ARL9: variants seen among roughly 807,000 people sequenced by gnomAD.
The protein encoded by ARL9 is ARF like GTPase 9, also known as ADP-ribosylation factor-like protein 9.
ARL9 carries 14 observed loss-of-function variants against 27.0 expected under a neutral mutation model. The ratio of observed to expected loss-of-function variants is 0.52; its 90% CI spans 0.34 to 0.81. The LOEUF (loss-of-function observed/expected upper bound fraction) is 0.81, where lower values mean the gene tolerates loss of function less well. Among genes scored for constraint, ARL9 ranks in the 30% least tolerant of loss-of-function variants. The probability of loss-of-function intolerance (pLI) is 0.01; values close to 1 mark genes in which losing one functional copy is unlikely to be tolerated. For missense variants in ARL9, 294 were observed against 290.0 expected (o/e 1.01, Z -0.10); for synonymous variants, 106 against 108.7 (o/e 0.98, Z 0.15).
At chr4:56,523,625 A>T in intron 3 of ARL9, 72 bp from the exon 4 acceptor site, 1 of 1,255,030 alleles carries the variant, frequency 8.0e-7, no homozygotes, top group African/African-American at 1.5e-5. Context: ...AAATAAGAGT[A>T]ATAAATGTGT....
At position 56,505,923 on chromosome 4, in the gene ARL9, G is replaced by T; in HGVS notation, c.61G>T (p.Gly21Ter). 4 of 1,242,794 alleles carry T rather than the reference G, an allele frequency of 3.2e-6. No individual in the cohort carries two copies. The highest frequency in any genetic ancestry group is 4.0e-6 in the Non-Finnish European group (4 of 992,258). 77.0% of individuals were successfully genotyped at this position (1,242,794 alleles called of 1,614,324 possible). ...AAAGGAGACGCAGGAGGAGAAAATCGGAGAAAAGGGTAGGGAAGAGAAAGT... is the reference window on the plus strand; with the variant it reads ...AAAGGAGACGCAGGAGGAGAAAATCTGAGAAAAGGGTAGGGAAGAGAAAGT... ...KEKETQEEKI[G>*]EKGREEKVKR... The change falls in exon 1 of 4, where the codon GGA becomes TGA. Residue 21 changes from glycine to a stop codon, truncating the protein, a stop_gained. Transcript: ENST00000640821. LOFTEE classifies it high-confidence loss of function.
At chr4:56,506,228 C>T (rs540377153) in intron 1 of ARL9, 87 bp downstream of exon 1, 1 of 1,203,462 alleles carries the variant, frequency 8.3e-7, no homozygotes, top group African/African-American at 1.6e-5. Flanking sequence ...CGTCGGAGGC[C>T]CCCGACCGCG....
At chr4:56,509,146 C>T (rs1379881069) in intron 1 of ARL9, among the ~76,000 whole-genome samples, 1 of 151,996 alleles carries the variant, frequency 6.6e-6, no homozygotes, top group Non-Finnish European at 1.5e-5. Flanking sequence ...CAGTCATTTG[C>T]CATAAAAATT....
chr4:56,505,606 T>G, upstream of ARL9: 1 of 607,090 alleles, frequency 1.6e-6, no homozygotes, highest in Non-Finnish European at 2.9e-6. Context: ...TTGGCTGGGC[T>G]CAATCCATCC....
Position 56,506,053 on chromosome 4 carries a change from C to CA in ARL9, c.194dup (p.Asn65LysfsTer8). 1.6e-6 allele frequency: 2 copies of CA among 1,227,364 alleles called. No individual in the cohort carries two copies. The highest frequency in any genetic ancestry group is 2.0e-6 in the Non-Finnish European group (2 of 985,590). 76.0% of individuals were successfully genotyped at this position (1,227,364 alleles called of 1,614,324 possible). On this transcript the variant is annotated frameshift_variant, in exon 1 of 4. Coordinates refer to ENST00000640821, the MANE Select transcript of ARL9 (RefSeq NM_001363794.2). LOFTEE classifies it high-confidence loss of function. ...AAGAGGACAAAGCAAGGGAAGGAGA[C>CA]AAACAAAGAGAAGGAACAATTTAAG...
upstream of ARL9, chr4:56,505,556 C>T (rs1721428301): frequency 1.8e-6 from 1 of 570,742 alleles, no homozygotes; most frequent in Non-Finnish European, 3.3e-6. Context: ...TATACCCCGC[C>T]GAACTGTCCC....
intron 3 of ARL9, among the ~76,000 whole-genome samples, chr4:56,521,976 CTCTTTTCTTT>C (rs770817500): frequency 1.3e-5 from 2 of 151,524 alleles, no homozygotes; most frequent in African/African-American, 4.8e-5. Context: ...CTCCACTCCT[CTCTTTTCTTT>C]TCTTTTCTTT....
Position 56,506,067 on chromosome 4 carries a change from G to C in ARL9, c.205G>C (p.Glu69Gln), listed in dbSNP as rs1721451467. The change falls in exon 1 of 4, where the codon GAA becomes CAA. Residue 69 changes from glutamate (E) to glutamine (Q), a missense_variant. Glu to Gln is a conservative substitution (Grantham distance 29). Coordinates refer to ENST00000640821, the MANE Select transcript of ARL9 (RefSeq NM_001363794.2). ...AGGGAAGGAGACAAACAAAGAGAAG[G>C]AACAATTTAAGGGACAAGAAGAGAA... is the stretch of plus-strand genomic sequence containing the variant. The part of the protein sequence containing the change: ...KQGKETNKEK[E>Q]QFKGQEEKGE... 1 of 1,235,636 alleles carries C rather than the reference G, an allele frequency of 8.1e-7. No individual in the cohort carries two copies. The highest frequency in any genetic ancestry group is 3.1e-4 in the Middle Eastern group (1 of 3,220). 76.5% of individuals were successfully genotyped at this position (1,235,636 alleles called of 1,614,324 possible).
intron 2 of ARL9, among the ~76,000 whole-genome samples, chr4:56,513,634 A>G (rs1255203574): frequency 6.6e-6 from 1 of 152,210 alleles, no homozygotes; most frequent in Non-Finnish European, 1.5e-5. Context: ...AAAACAACTC[A>G]TGAGTTCAAA....
chr4:56,522,530 A>G (rs1721953162), intron 3 of ARL9, among the ~76,000 whole-genome samples: 1 of 152,228 alleles, frequency 6.6e-6, no homozygotes, highest in Non-Finnish European at 1.5e-5. Context: ...ATGCTATGAA[A>G]TAACAAAAAG....
intron 1 of ARL9, among the ~76,000 whole-genome samples, chr4:56,507,965 C>CAAAA (rs202126461): frequency 7.3e-5 from 9 of 122,986 alleles, no homozygotes; most frequent in Admixed American, 1.7e-4. Context: ...GATTCTGTAT[C>CAAAA]AAAAAAAAAA....
chr4:56,509,725 T>TA (rs1491103282), intron 1 of ARL9, among the ~76,000 whole-genome samples: 2 of 130,936 alleles, frequency 1.5e-5, no homozygotes, highest in Non-Finnish European at 3.3e-5. Context: ...TTTTTTTTTT[T>TA]AAGATGGAGC....
intron 2 of ARL9, 133 bp from the exon 3 acceptor site, chr4:56,518,545 A>G (rs775601036): frequency 4.0e-6 from 3 of 755,876 alleles, no homozygotes; most frequent in Non-Finnish European, 6.5e-6. Context: ...GACTGGGTAC[A>G]CTCTAACACG....
At chr4:56,505,480 A>G (rs1180918920), upstream of ARL9, 1 of 470,168 alleles carries the variant, frequency 2.1e-6, no homozygotes, top group East Asian at 6.6e-5. Flanking sequence ...GCCCACGTGG[A>G]AGGCTCTTAG....
At position 56,524,102 on chromosome 4, in the gene ARL9, CACA is replaced by C; in HGVS notation, c.*231_*233del. ...AAGTAAACCCACTGAAGAATAATAA[CACA>C]ACAATAAAAATAATACACATTTTAA... is the stretch of plus-strand genomic sequence containing the variant. On this transcript the variant is annotated 3_prime_UTR_variant, in exon 4 of 4. Coordinates refer to ENST00000640821, the MANE Select transcript of ARL9 (RefSeq NM_001363794.2). 1.4e-5 allele frequency: 6 copies of C among 438,278 alleles called. No individual in the cohort carries two copies. Among genetic ancestry groups the C allele is most frequent in the Non-Finnish European group, 2.4e-5 (6 of 248,644 alleles). The allele number at this position is 438,278 out of a possible 1,614,324, so 27.1% of individuals were successfully genotyped here.
At chr4:56,506,757 T>G (rs1721472962) in intron 1 of ARL9, 1 of 768,888 alleles carries the variant, frequency 1.3e-6, no homozygotes, top group African/African-American at 1.9e-5. Context: ...TGCGCTCTGG[T>G]TCTAAACAAT....
At chr4:56,515,345 GA>G (rs769505043) in intron 2 of ARL9, among the ~76,000 whole-genome samples, 24 of 151,130 alleles carry the variant, frequency 1.6e-4, no homozygotes, top group Non-Finnish European at 2.8e-4. Context: ...AATATAAGCA[GA>G]AAAAAATCTG....
At chr4:56,523,011 G>T (rs1051363728) in intron 3 of ARL9, among the ~76,000 whole-genome samples, 2 of 152,148 alleles carry the variant, frequency 1.3e-5, no homozygotes, top group South Asian at 2.1e-4. Context: ...AACAATAGAT[G>T]AATCAAATTT....
At chr4:56,513,184 G>A (rs1191573505) in intron 2 of ARL9, among the ~76,000 whole-genome samples, 1 of 152,180 alleles carries the variant, frequency 6.6e-6, no homozygotes, top group Admixed American at 6.5e-5. Flanking sequence ...TAATGCCACA[G>A]GGCAGAGCTT....
Sources: allele counts gnomAD v4.1 joint callset (sites outside exome capture counted in the v4.1 genomes callset), GRCh38; gene constraint gnomAD v4.1.1; transcripts MANE v1.5; gene names NCBI Gene and HGNC (gene_info 2026-07-23, HGNC 2026-07-21).